Variants in CTNNA3 observed in about 807,000 individuals in gnomAD.
The protein encoded by CTNNA3 is catenin alpha 3.
In CTNNA3, 76 loss-of-function variants were observed where a neutral mutation model predicts 95.7. The observed-to-expected ratio is 0.79, with a 90% CI of 0.66 to 0.96. CTNNA3 has a LOEUF of 0.96. Ranked by LOEUF, CTNNA3 falls within the 40% of genes least tolerant of loss-of-function variation. The pLI is 0.00. For synonymous variants in CTNNA3, 431 were observed against 374.4 expected (o/e 1.15, Z -1.74); for missense variants, 1,191 against 1,089.8 (o/e 1.09, Z -1.31).
At chr10:66,845,713 A>AAAAACAAAAAAC (rs1554862157) in intron 7 of CTNNA3, among the ~76,000 whole-genome samples, 4 of 123,364 alleles carry the variant, frequency 3.2e-5, no homozygotes, top group African/African-American at 1.2e-4. Flanking sequence ...CAAAAAAAAA[A>AAAAACAAAAAAC]AAAAAAAAAA....
At chr10:66,786,863 GT>G (rs1230416725) in intron 7 of CTNNA3, among the ~76,000 whole-genome samples, 1 of 152,082 alleles carries the variant, frequency 6.6e-6, no homozygotes. Context: ...GTTCAAGTCA[GT>G]TAAGTGGAAA....
intron 17 of CTNNA3, among the ~76,000 whole-genome samples, chr10:65,930,620 A>AT (rs1176249477): frequency 1.3e-5 from 2 of 152,106 alleles, no homozygotes; most frequent in Non-Finnish European, 2.9e-5. Flanking sequence ...ATAGTAGTTA[A>AT]TTTTTTTATT....
At chr10:67,302,936 G>A (rs541785841) in intron 5 of CTNNA3, among the ~76,000 whole-genome samples, 5 of 152,142 alleles carry the variant, frequency 3.3e-5, no homozygotes, top group Non-Finnish European at 4.4e-5. Flanking sequence ...GAAAACATAG[G>A]CTCTTTAAAT....
At chr10:67,348,595 G>C (rs921945591) in intron 5 of CTNNA3, among the ~76,000 whole-genome samples, 2 of 152,096 alleles carry the variant, frequency 1.3e-5, no homozygotes, top group Non-Finnish European at 2.9e-5. Context: ...TGATAAGAGA[G>C]AGAGCAAGAG....
At chr10:66,509,952 G>T (rs1324322721) in intron 11 of CTNNA3, among the ~76,000 whole-genome samples, 1 of 151,832 alleles carries the variant, frequency 6.6e-6, no homozygotes, top group Non-Finnish European at 1.5e-5. Context: ...GTGTTATTTT[G>T]ATAAGGATTG....
At chr10:66,415,220 C>A (rs2093137184) in intron 11 of CTNNA3, among the ~76,000 whole-genome samples, 2 of 152,092 alleles carry the variant, frequency 1.3e-5, no homozygotes, top group African/African-American at 4.8e-5. Context: ...TCCCCATCAT[C>A]CCCATGCCAC....
intron 9 of CTNNA3, among the ~76,000 whole-genome samples, chr10:66,675,223 TC>T (rs1353671844): frequency 1.3e-5 from 2 of 151,984 alleles, no homozygotes; most frequent in Non-Finnish European, 2.9e-5. Flanking sequence ...TTAAACCCGA[TC>T]CATCTGCTGC....
intron 17 of CTNNA3, among the ~76,000 whole-genome samples, chr10:65,942,930 T>G (rs192412192): frequency 2.0e-3 from 299 of 152,322 alleles, no homozygotes; most frequent in African/African-American, 6.9e-3. Context: ...CAGAGATTGC[T>G]ACAATTATTA....
At chr10:66,096,904 C>G (rs1013259256) in intron 14 of CTNNA3, among the ~76,000 whole-genome samples, 1 of 152,128 alleles carries the variant, frequency 6.6e-6, no homozygotes, top group African/African-American at 2.4e-5. Context: ...GATTACCAAG[C>G]TACCAAAGTT....
rs2077028127 is a variant in CTNNA3 at position 65,918,063 on chromosome 10, C to G, written c.*2267G>C. The G allele has an allele frequency of 6.6e-6, 1 of 152,084 alleles. No homozygotes were observed. Among genetic ancestry groups the G allele is most frequent in the South Asian group, 2.1e-4 (1 of 4,826 alleles). 9.4% of individuals were successfully genotyped at this position (152,084 alleles called of 1,614,324 possible). On this transcript the variant is annotated 3_prime_UTR_variant, in exon 18 of 18. Transcript: ENST00000433211. ...TTATTTAATTATAGTTTGCTTTGAG[C>G]TAAGCTGAAAATCTGCCTGGGTTAA...
intron 13 of CTNNA3, among the ~76,000 whole-genome samples, chr10:66,113,934 G>A (rs779359825): frequency 4.6e-5 from 7 of 152,052 alleles, no homozygotes; most frequent in Admixed American, 1.3e-4. Context: ...TCTATGGGGG[G>A]AGGTGGTTGA....
intron 12 of CTNNA3, among the ~76,000 whole-genome samples, chr10:66,283,334 T>C (rs1335134624): frequency 6.6e-6 from 1 of 151,854 alleles, no homozygotes; most frequent in East Asian, 1.9e-4. Flanking sequence ...AAAATGCTTT[T>C]TCTCATATAC....
In CTNNA3 at chr10:66,996,162, G is replaced by T. The variant is rs201074428; in HGVS notation, c.1047+184155C>A. On this transcript the variant is annotated intron_variant, in intron 7 of 17. Coordinates refer to ENST00000433211, the MANE Select transcript of CTNNA3 (RefSeq NM_013266.4). ...CTTCATTGCACAAGTAGGTCTCAAAGCTCTGTTGATAAATGAAGTTTAATG... is the reference window on the plus strand; with the variant it reads ...CTTCATTGCACAAGTAGGTCTCAAATCTCTGTTGATAAATGAAGTTTAATG... 4.6e-5 allele frequency among the ~76,000 whole-genome samples: 7 copies of T among 152,240 alleles called. No homozygotes were observed. In the East Asian group the frequency reaches 1.4e-3, roughly 29 times the overall value.
chr10:67,743,286 C>G (rs1841353637), intron 1 of CTNNA3, among the ~76,000 whole-genome samples: 1 of 151,124 alleles, frequency 6.6e-6, no homozygotes, highest in Non-Finnish European at 1.5e-5. Flanking sequence ...AGCAGCACAT[C>G]AAAAAGCTTA....
At chr10:66,672,160 A>C (rs1479308803) in intron 9 of CTNNA3, among the ~76,000 whole-genome samples, 3 of 152,074 alleles carry the variant, frequency 2.0e-5, no homozygotes, top group African/African-American at 7.2e-5. Context: ...CTGTACTCCT[A>C]CTGGCTAGCT....
At chr10:67,374,578 C>G (rs978915455) in intron 5 of CTNNA3, among the ~76,000 whole-genome samples, 2 of 151,872 alleles carry the variant, frequency 1.3e-5, no homozygotes, top group African/African-American at 4.8e-5. Flanking sequence ...GACTTTTTTG[C>G]TTTAAATCCA....
At chr10:66,255,048 G>A (rs1351277422) in intron 13 of CTNNA3, among the ~76,000 whole-genome samples, 1 of 152,182 alleles carries the variant, frequency 6.6e-6, no homozygotes, top group African/African-American at 2.4e-5. Flanking sequence ...CCTTGGAAAT[G>A]AGCAGCAGCA....
intron 10 of CTNNA3, among the ~76,000 whole-genome samples, chr10:66,578,063 G>A (rs866367694): frequency 2.0e-5 from 3 of 151,772 alleles, no homozygotes; most frequent in Non-Finnish European, 4.4e-5. Context: ...TGTATTCCTA[G>A]GTATTTTATT....
chr10:67,408,524 G>C (rs972704789), intron 5 of CTNNA3, among the ~76,000 whole-genome samples: 1 of 152,086 alleles, frequency 6.6e-6, no homozygotes, highest in Non-Finnish European at 1.5e-5. Context: ...GGGAGAACTG[G>C]CTAGCCCTAT....
Sources: gnomAD v4.1 joint callset for allele counts (sites outside exome capture counted in the v4.1 genomes callset) on GRCh38, gnomAD v4.1.1 for gene constraint, MANE v1.5 for transcripts, NCBI Gene and HGNC (gene_info 2026-07-23, HGNC 2026-07-21) for gene names.